Variants in GLCE observed in about 807,000 individuals in gnomAD.
The protein encoded by GLCE is D-glucuronyl C5-epimerase.
Under a neutral mutation model 47.9 loss-of-function variants are expected in GLCE, and 19 were observed. The ratio of observed to expected loss-of-function variants is 0.40; its 90% CI spans 0.28 to 0.58. The LOEUF is 0.58. GLCE is among the 20% of genes least tolerant of loss of function. The probability of loss-of-function intolerance (pLI) is 0.48; values close to 1 mark genes in which losing one functional copy is unlikely to be tolerated. For missense variants in GLCE, 556 were observed against 743.3 expected (o/e 0.75, Z 2.93); for synonymous variants, 245 against 263.4 (o/e 0.93, Z 0.68).
chr15:69,263,779 C>A (rs1024489659), intron 4 of GLCE, among the ~76,000 whole-genome samples: 1 of 152,048 alleles, frequency 6.6e-6, no homozygotes, highest in Non-Finnish European at 1.5e-5. Context: ...TGAGTAGGGC[C>A]TCTTCTCATG....
At chr15:69,232,043 G>A (rs140170424) in intron 2 of GLCE, among the ~76,000 whole-genome samples, 7 of 151,590 alleles carry the variant, frequency 4.6e-5, no homozygotes, top group Admixed American at 1.3e-4. Context: ...CATCTGCCTC[G>A]GCCTCCCAAA....
At chr15:69,190,383 T>G (rs1476503261) in intron 1 of GLCE, among the ~76,000 whole-genome samples, 1 of 152,114 alleles carries the variant, frequency 6.6e-6, no homozygotes, top group Non-Finnish European at 1.5e-5. Context: ...TATTGAGAGA[T>G]TTGTTGAAAT....
intron 2 of GLCE, among the ~76,000 whole-genome samples, chr15:69,248,630 G>C (rs2052789649): frequency 6.6e-6 from 1 of 152,228 alleles, no homozygotes; most frequent in Middle Eastern, 3.4e-3. Context: ...TCTACTCTGA[G>C]CTAGGCACAG....
intron 1 of GLCE, among the ~76,000 whole-genome samples, chr15:69,161,976 C>T (rs948845504): frequency 1.3e-5 from 2 of 152,264 alleles, no homozygotes; most frequent in Non-Finnish European, 2.9e-5. Context: ...TAGATCTGTT[C>T]TGAAGTCTTG....
intron 4 of GLCE, among the ~76,000 whole-genome samples, chr15:69,261,794 GGATTTTGTTAATGTAGTA>G (rs1205836965): frequency 6.6e-6 from 1 of 151,956 alleles, no homozygotes; most frequent in Non-Finnish European, 1.5e-5. Flanking sequence ...TTCCCATATT[GGATTTTGTTAATGTAGTA>G]GATTATCTCA....
At chr15:69,241,071 C>G (rs1279589714) in intron 2 of GLCE, among the ~76,000 whole-genome samples, 1 of 152,108 alleles carries the variant, frequency 6.6e-6, no homozygotes, top group Non-Finnish European at 1.5e-5. Context: ...TCATCGTCGT[C>G]GTCATCATCA....
chr15:69,267,890 T>G (rs530000540), intron 4 of GLCE, among the ~76,000 whole-genome samples: 1 of 150,452 alleles, frequency 6.6e-6, no homozygotes, highest in Admixed American at 6.7e-5. Context: ...AGAATAGTCA[T>G]TGATTACTGA....
chr15:69,236,909 A>C (rs2052600075), intron 2 of GLCE, among the ~76,000 whole-genome samples: 1 of 152,194 alleles, frequency 6.6e-6, no homozygotes, highest in Admixed American at 6.5e-5. Context: ...ATAAGGACTC[A>C]AAACTGCTGC....
chr15:69,249,790 A>G (rs1241137264), intron 2 of GLCE, among the ~76,000 whole-genome samples: 1 of 152,212 alleles, frequency 6.6e-6, no homozygotes, highest in Non-Finnish European at 1.5e-5. Flanking sequence ...TGAAGTAACT[A>G]GGAAAATAAA....
chr15:69,244,354 A>C (rs2052718037), intron 2 of GLCE, among the ~76,000 whole-genome samples: 1 of 152,220 alleles, frequency 6.6e-6, no homozygotes, highest in South Asian at 2.1e-4. Context: ...CAGTAGCTTC[A>C]TTCAGAAATG....
At chr15:69,234,914 A>G (rs988417650) in intron 2 of GLCE, among the ~76,000 whole-genome samples, 26 of 152,216 alleles carry the variant, frequency 1.7e-4, no homozygotes, top group Admixed American at 2.0e-4. Flanking sequence ...TGCTATTCTT[A>G]TCAACTTTTA....
At chr15:69,175,026 G>A (rs1271520294) in intron 1 of GLCE, among the ~76,000 whole-genome samples, 1 of 151,594 alleles carries the variant, frequency 6.6e-6, no homozygotes, top group Non-Finnish European at 1.5e-5. Context: ...CTTTTACTGA[G>A]GCTTGAAAAC....
chr15:69,162,554 GT>G (rs952038808), intron 1 of GLCE, among the ~76,000 whole-genome samples: 1 of 147,622 alleles, frequency 6.8e-6, no homozygotes, highest in African/African-American at 2.5e-5. Context: ...TTTTTTTCTT[GT>G]TTTTTGGTTT....
intron 2 of GLCE, among the ~76,000 whole-genome samples, chr15:69,233,952 T>G (rs1178704360): frequency 6.6e-6 from 1 of 151,904 alleles, no homozygotes; most frequent in Non-Finnish European, 1.5e-5. Context: ...GTGATGCACA[T>G]ATACATACAT....
At chr15:69,163,675 G>A (rs2051460091) in intron 1 of GLCE, among the ~76,000 whole-genome samples, 1 of 152,156 alleles carries the variant, frequency 6.6e-6, no homozygotes, top group Non-Finnish European at 1.5e-5. Context: ...TCTTCAGGAG[G>A]GAGTTGCAGA....
At chr15:69,176,097 A>C (rs1051986234) in intron 1 of GLCE, among the ~76,000 whole-genome samples, 4 of 152,054 alleles carry the variant, frequency 2.6e-5, no homozygotes, top group Non-Finnish European at 2.9e-5. Flanking sequence ...AAATAATGAA[A>C]AATTGATAAT....
intron 4 of GLCE, among the ~76,000 whole-genome samples, chr15:69,267,333 C>G (rs2053100284): frequency 6.6e-6 from 1 of 152,170 alleles, no homozygotes; most frequent in Non-Finnish European, 1.5e-5. Flanking sequence ...AATATTATCT[C>G]TATTTAACAT....
At chr15:69,210,992 A>C (rs1487326913) in intron 2 of GLCE, among the ~76,000 whole-genome samples, 1 of 152,152 alleles carries the variant, frequency 6.6e-6, no homozygotes, top group Non-Finnish European at 1.5e-5. Flanking sequence ...ATTATAATAC[A>C]TGAAATGGTA....
chr15:69,240,726 G>A (rs968714624), intron 2 of GLCE, among the ~76,000 whole-genome samples: 43 of 152,112 alleles, frequency 2.8e-4, no homozygotes, highest in Non-Finnish European at 2.6e-4. Context: ...AATTGTATTA[G>A]TGATGCAGAC....
Sources: allele counts gnomAD v4.1 joint callset (sites outside exome capture counted in the v4.1 genomes callset), GRCh38; gene constraint gnomAD v4.1.1; transcripts MANE v1.5; gene names NCBI Gene and HGNC (gene_info 2026-07-23, HGNC 2026-07-21).